Variants in ZC3H6 observed in about 807,000 individuals in gnomAD.
The protein encoded by ZC3H6 is zinc finger CCCH-type containing 6.
Under a neutral mutation model 107.7 loss-of-function variants are expected in ZC3H6, and 40 were observed. The ratio of observed to expected loss-of-function variants is 0.37; its 90% confidence interval spans 0.29 to 0.48. The LOEUF (loss-of-function observed/expected upper bound fraction) is 0.48, where lower values mean the gene tolerates loss of function less well. Among genes scored for constraint, ZC3H6 ranks in the 20% least tolerant of loss-of-function variants. The probability of loss-of-function intolerance (pLI) is 0.98; values close to 1 mark genes in which losing one functional copy is unlikely to be tolerated. For synonymous variants in ZC3H6, 493 were observed against 487.9 expected, an observed-to-expected ratio of 1.01 and a Z score of -0.14; for missense variants, 1,267 against 1,410.4, an observed-to-expected ratio of 0.90 and a Z score of 1.63.
Position 112,336,482 on chromosome 2 carries a change from A to G in ZC3H6, c.*3994A>G, listed in dbSNP as rs1677137913. On this transcript the variant is annotated 3_prime_UTR_variant, in exon 12 of 12. Coordinates refer to ENST00000409871, the MANE Select transcript of ZC3H6 (RefSeq NM_198581.3). ...ATATAAGCATTTGTAAACTATAATT[A>G]TAGTTTAAATAAGACTTAGTTTAGG... 1 of 152,242 alleles carries G rather than the reference A, an allele frequency of 6.6e-6. No homozygotes were observed. The highest frequency in any genetic ancestry group is 2.4e-5 in the African/African-American group (1 of 41,466). 9.4% of individuals were successfully genotyped at this position (152,242 alleles called of 1,614,324 possible). A position where few individuals can be genotyped will look rare whatever the true frequency, so the allele number is the denominator to read the frequency against.
chr2:112,332,102 C>T lies in ZC3H6; in HGVS notation c.3184C>T (p.Leu1062=). Residue 1062 remains leucine (L), a synonymous_variant, in exon 12 of 12, where the codon CTA becomes TTA. Coordinates refer to ENST00000409871, the MANE Select transcript of ZC3H6 (RefSeq NM_198581.3). ...TCACGGTTCATCATCCACATCAGAG[C>T]TAGCAACAGCTTCTTCAGGAGAAAA... ...RDHGSSSTSE[L]ATASSGENSK... 6.2e-7 allele frequency: 1 copy of T among 1,613,970 alleles called. No homozygotes were observed. The highest frequency in any genetic ancestry group is 2.2e-5 in the East Asian group (1 of 44,880).
At chr2:112,316,363 C>A in intron 5 of ZC3H6, 107 bp from the exon 6 acceptor site, 1 of 689,150 alleles carries the variant, frequency 1.5e-6, no homozygotes, top group Non-Finnish European at 2.5e-6. Flanking sequence ...CAATCTTGAT[C>A]ACTTTTTGTA....
In ZC3H6 at chr2:112,331,092, A is replaced by C. The variant is rs957118459; in HGVS notation, c.2174A>C (p.Glu725Ala). ...CTGAAAACATTACAGAAACAAACAGAAACTTTAAGGAATCAGCAACAACCT... is the reference window on the plus strand; with the variant it reads ...CTGAAAACATTACAGAAACAAACAGCAACTTTAAGGAATCAGCAACAACCT... ...SILKTLQKQT[E>A]TLRNQQQPST... Residue 725 changes from glutamate to alanine, a missense_variant, in exon 12 of 12, where the codon GAA becomes GCA. This residue lies in a region of ZC3H6 where 925 missense variants were observed against 1,025.7 expected (regional missense o/e 0.90). Transcript: ENST00000409871. 3.7e-6 allele frequency: 6 copies of C among 1,609,308 alleles called. No homozygotes were observed. In the Admixed American group the frequency reaches 1.0e-4, roughly 27 times the overall value.
rs575689809 is a variant in ZC3H6, at chr2:112,322,549, C to G, written c.1087-100C>G. On this transcript the variant is annotated intron_variant, in intron 8 of 11. Transcript: ENST00000409871. ...AGCCACTGCGACCAGCCCATTTCAACTTTAATATTATTTTTCTACTAACCA... is the reference window on the plus strand; with the variant it reads ...AGCCACTGCGACCAGCCCATTTCAAGTTTAATATTATTTTTCTACTAACCA... 42 of 1,324,912 alleles carry G rather than the reference C, an allele frequency of 3.2e-5. 1 individual carries two copies. The South Asian group carries it at 6.2e-4, about 20-fold the overall frequency. 82.1% of individuals were successfully genotyped at this position (1,324,912 alleles called of 1,614,324 possible). A position where few individuals can be genotyped will look rare whatever the true frequency, so the allele number is the denominator to read the frequency against.
intron 3 of ZC3H6, among the ~76,000 whole-genome samples, chr2:112,305,203 T>C (rs962653501): frequency 1.3e-5 from 2 of 152,222 alleles, no homozygotes; most frequent in African/African-American, 4.8e-5. Flanking sequence ...TTGGAGACTC[T>C]TACAATGAAT....
At chr2:112,326,893 G>T (rs1676915487) in intron 11 of ZC3H6, among the ~76,000 whole-genome samples, 1 of 152,090 alleles carries the variant, frequency 6.6e-6, no homozygotes, top group South Asian at 2.1e-4. Context: ...GATTACAGGT[G>T]TGCGCCACCG....
chr2:112,291,933 G>A (rs1220909173), intron 1 of ZC3H6, among the ~76,000 whole-genome samples: 1 of 152,154 alleles, frequency 6.6e-6, no homozygotes, highest in Non-Finnish European at 1.5e-5. Flanking sequence ...GACCAGGCTG[G>A]TCTCGAACTC....
intron 1 of ZC3H6, among the ~76,000 whole-genome samples, chr2:112,299,504 G>A (rs1337841748): frequency 6.6e-6 from 1 of 152,108 alleles, no homozygotes; most frequent in Non-Finnish European, 1.5e-5. Context: ...AGAAAATTTA[G>A]TAGATGGTAA....
intron 11 of ZC3H6, among the ~76,000 whole-genome samples, chr2:112,329,490 C>A (rs574531032): frequency 1.3e-5 from 2 of 152,256 alleles, no homozygotes; most frequent in South Asian, 4.1e-4. Flanking sequence ...GAAAAGAGAT[C>A]TAGTGTCTAG....
chr2:112,277,865 A>T (rs1686455451), intron 1 of ZC3H6, among the ~76,000 whole-genome samples: 1 of 152,116 alleles, frequency 6.6e-6, no homozygotes, highest in East Asian at 1.9e-4. Flanking sequence ...AAGTCAGGAG[A>T]AATTCTACAA....
At chr2:112,285,706 G>A (rs1317874264) in intron 1 of ZC3H6, among the ~76,000 whole-genome samples, 1 of 151,998 alleles carries the variant, frequency 6.6e-6, no homozygotes, top group Non-Finnish European at 1.5e-5. Context: ...GCTCACGCCT[G>A]TAATCTCAGC....
chr2:112,310,416 T>C (rs1676572510), intron 4 of ZC3H6, among the ~76,000 whole-genome samples: 1 of 152,236 alleles, frequency 6.6e-6, no homozygotes, highest in Non-Finnish European at 1.5e-5. Flanking sequence ...AACTTTCTTA[T>C]ATTTTTCCCC....
intron 5 of ZC3H6, among the ~76,000 whole-genome samples, chr2:112,314,018 A>G (rs1451257481): frequency 1.3e-5 from 2 of 152,142 alleles, no homozygotes; most frequent in Non-Finnish European, 2.9e-5. Flanking sequence ...TGTAATAAAT[A>G]TTATTTTCCT....
chr2:112,311,771 C>A (rs1573958769), intron 4 of ZC3H6, 33 bp from the exon 5 acceptor site: 1 of 1,566,474 alleles, frequency 6.4e-7, no homozygotes, highest in Non-Finnish European at 8.7e-7. Context: ...TGCTGTTTTT[C>A]TTTTAAATTT....
Position 112,332,223 on chromosome 2 carries a change from A to C in ZC3H6, c.3305A>C (p.Asn1102Thr). Reference protein sequence around the residue: ...EAILPQKPSPNVGVTLEGPAD... With the variant: ...EAILPQKPSPTVGVTLEGPAD... The stretch of plus-strand genomic sequence containing the variant: ...ATCCTTCCACAAAAACCCAGTCCAA[A>C]CGTGGGAGTCACTCTTGAGGGGCCA... Residue 1102 changes from asparagine (N) to threonine (T), a missense_variant, in exon 12 of 12, where the codon AAC becomes ACC. Asn to Thr is a moderately conservative substitution (Grantham distance 65, BLOSUM62 0). Coordinates refer to ENST00000409871, the MANE Select transcript of ZC3H6 (RefSeq NM_198581.3). The C allele has an allele frequency of 6.2e-7, 1 of 1,613,892 alleles. No homozygotes were observed. The highest frequency in any genetic ancestry group is 8.5e-7 in the Non-Finnish European group (1 of 1,179,874).
At position 112,303,204 on chromosome 2, in the gene ZC3H6, A is replaced by G. The variant is rs1676417264; in HGVS notation, c.214-25A>G. 9 of 1,592,420 alleles carry G rather than the reference A, an allele frequency of 5.7e-6. No homozygotes were observed. The East Asian group carries it at 6.7e-5, about 12-fold the overall frequency. The stretch of plus-strand genomic sequence containing the variant: ...ATTTTCTTCCTTTTGCAAATGTAAC[A>G]TATTTGTCTTTCCCCTCCCTTCAGC... On this transcript the variant is annotated intron_variant, in intron 2 of 11. Coordinates refer to ENST00000409871, the MANE Select transcript of ZC3H6 (RefSeq NM_198581.3).
intron 3 of ZC3H6, among the ~76,000 whole-genome samples, chr2:112,303,765 C>A (rs1033783929): frequency 2.0e-5 from 3 of 152,030 alleles, no homozygotes; most frequent in Non-Finnish European, 2.9e-5. Flanking sequence ...GTGTATATAT[C>A]ACATTTTGTT....
At chr2:112,315,581 CT>C (rs1233670193) in intron 5 of ZC3H6, among the ~76,000 whole-genome samples, 2 of 150,436 alleles carry the variant, frequency 1.3e-5, no homozygotes, top group South Asian at 2.1e-4. Flanking sequence ...ATATTGTAAA[CT>C]TTTTTTTTGT....
At position 112,331,903 on chromosome 2, in the gene ZC3H6, C is replaced by T. The variant is rs748204107; in HGVS notation, c.2985C>T (p.Ala995=). ...VMKDSHASKG[A]PHLPRSNPGS... Reference sequence around the variant, plus strand: ...AGGATTCACATGCATCAAAGGGTGCCCCTCACTTACCCAGATCAAACCCTG... The same window carrying T: ...AGGATTCACATGCATCAAAGGGTGCTCCTCACTTACCCAGATCAAACCCTG... The change falls in exon 12 of 12, where the codon GCC becomes GCT. Residue 995 remains alanine, a synonymous_variant. Transcript: ENST00000409871. 23 of 1,613,906 alleles carry T rather than the reference C, an allele frequency of 1.4e-5. No individual in the cohort carries two copies. Among genetic ancestry groups the T allele is most frequent in the Non-Finnish European group, 1.8e-5 (21 of 1,179,874 alleles).
Sources: allele counts gnomAD v4.1 joint callset (sites outside exome capture counted in the v4.1 genomes callset), GRCh38; gene constraint gnomAD v4.1.1; regional missense constraint gnomAD v4.1.1; transcripts MANE v1.5; gene names NCBI Gene and HGNC (gene_info 2026-07-23, HGNC 2026-07-21).